GON4L: variants seen among roughly 807,000 people sequenced by gnomAD.
GON4L encodes gon-4 like, also known as GON-4-like protein.
A neutral mutation model predicts 211.8 loss-of-function variants in GON4L; 87 were observed. The ratio of observed to expected loss-of-function variants is 0.41; its 90% CI spans 0.35 to 0.49. The LOEUF (loss-of-function observed/expected upper bound fraction) is 0.49, where lower values mean the gene tolerates loss of function less well. Ranked by LOEUF, GON4L falls within the 20% of genes least tolerant of loss-of-function variation. GON4L has a pLI of 0.15. For missense variants in GON4L, 2,155 were observed against 2,659.5 expected (o/e 0.81, Z 4.17); for synonymous variants, 875 against 962.6 (o/e 0.91, Z 1.68).
chr1:155,755,796 A>G (rs1571619689), intron 27 of GON4L, among the ~76,000 whole-genome samples: 1 of 152,132 alleles, frequency 6.6e-6, no homozygotes, highest in East Asian at 1.9e-4. Flanking sequence ...TACCCATGGA[A>G]AGCCTACTCA....
chr1:155,785,205 G>T (rs745331964), intron 13 of GON4L, 129 bp downstream of exon 13: 1 of 774,418 alleles, frequency 1.3e-6, no homozygotes, highest in South Asian at 1.4e-5. Flanking sequence ...TCTTTCCCAG[G>T]TAGACTAAAA....
downstream of GON4L, chr1:155,748,840 T>C: frequency 6.5e-7 from 1 of 1,527,416 alleles, no homozygotes; most frequent in Non-Finnish European, 9.0e-7. Context: ...TTTCATGTCC[T>C]TTTCCCCCTA....
chr1:155,809,914 C>T (rs1259555484), intron 10 of GON4L, among the ~76,000 whole-genome samples: 4 of 131,650 alleles, frequency 3.0e-5, no homozygotes, highest in African/African-American at 1.2e-4. Flanking sequence ...AAATTATATA[C>T]ATATATAATT....
chr1:155,762,296 C>A lies in GON4L; in HGVS notation c.4805G>T (p.Ser1602Ile). The A allele has an allele frequency of 6.2e-7, 1 of 1,613,642 alleles. No individual in the cohort carries two copies. Among genetic ancestry groups the A allele is most frequent in the Non-Finnish European group, 8.5e-7 (1 of 1,179,740 alleles). Residue 1602 changes from serine (S) to isoleucine (I), a missense_variant, in exon 23 of 32, where the codon AGC (serine) becomes ATC (isoleucine). Physicochemically the swap from Ser to Ile is moderately radical, Grantham distance 142. Coordinates refer to ENST00000368331, the MANE Select transcript of GON4L (RefSeq NM_001282860.2). ...CAACAGCAGCTTGGAGGTGTCCTTG[C>A]TGGCCCGAGCCCGACTTCCCCGCTT... ...RNKRGSRARA[S>I]KDTSKLLLLY...
intron 21 of GON4L, 47 bp from the exon 22 acceptor site, chr1:155,763,611 T>C (rs1469815592): frequency 5.5e-6 from 8 of 1,461,988 alleles, no homozygotes; most frequent in Non-Finnish European, 6.4e-6. Context: ...TAGTGGCTCA[T>C]GAATTGCAAA....
At chr1:155,809,554 A>G (rs1667486511) in intron 10 of GON4L, among the ~76,000 whole-genome samples, 1 of 138,856 alleles carries the variant, frequency 7.2e-6, no homozygotes, top group African/African-American at 2.6e-5. Context: ...ATATACTTAT[A>G]AATTATATAC....
At chr1:155,857,390 T>C (rs763872031), upstream of GON4L, 1 of 152,224 alleles carries the variant, frequency 6.6e-6, no homozygotes, top group Non-Finnish European at 1.5e-5. Flanking sequence ...GCCCATGGAG[T>C]TATCCTACTC....
intron 19 of GON4L, among the ~76,000 whole-genome samples, chr1:155,769,718 T>C (rs1443560732): frequency 6.6e-6 from 1 of 152,094 alleles, no homozygotes; most frequent in African/African-American, 2.4e-5. Context: ...CACAATAACA[T>C]AGCTGTGAAG....
intron 10 of GON4L, among the ~76,000 whole-genome samples, chr1:155,808,718 C>A (rs1010290612): frequency 6.6e-6 from 1 of 152,026 alleles, no homozygotes; most frequent in African/African-American, 2.4e-5. Flanking sequence ...CCTCGATCTC[C>A]TAGGCTCAGC....
At chr1:155,816,114 C>A in intron 7 of GON4L, 98 bp downstream of exon 7, 1 of 726,072 alleles carries the variant, frequency 1.4e-6, no homozygotes, top group Non-Finnish European at 2.5e-6. Context: ...GGAATTAAAA[C>A]AAAGATTGAT....
intron 11 of GON4L, among the ~76,000 whole-genome samples, chr1:155,802,315 G>C (rs868711260): frequency 6.8e-6 from 1 of 146,320 alleles, no homozygotes; most frequent in Admixed American, 6.9e-5. Flanking sequence ...TTTTCCTTGG[G>C]GGGGGGGAAG....
At chr1:155,807,741 T>TGAG (rs1571814952) in intron 10 of GON4L, among the ~76,000 whole-genome samples, 2 of 128,946 alleles carry the variant, frequency 1.6e-5, no homozygotes, top group African/African-American at 5.6e-5. Context: ...TCAGAAAGTG[T>TGAG]GAGACCTCCA....
At chr1:155,787,199 C>T (rs1053496336) in intron 12 of GON4L, among the ~76,000 whole-genome samples, 3 of 152,024 alleles carry the variant, frequency 2.0e-5, no homozygotes, top group Admixed American at 6.6e-5. Flanking sequence ...CGTGAGCTAC[C>T]GCGCCCAGCA....
chr1:155,762,109 C>T (rs1661868574), intron 23 of GON4L, 81 bp downstream of exon 23: 1 of 1,164,742 alleles, frequency 8.6e-7, no homozygotes. Flanking sequence ...GAAAAACAGA[C>T]TTTATGTTGA....
downstream of GON4L, chr1:155,747,811 C>G: frequency 6.2e-7 from 1 of 1,610,026 alleles, no homozygotes; most frequent in South Asian, 1.1e-5. Context: ...GGGGTAGGCG[C>G]GAAGGCGGCA....
downstream of GON4L, among the ~76,000 whole-genome samples, chr1:155,745,390 G>A (rs180721078): frequency 2.7e-4 from 41 of 152,350 alleles, no homozygotes; most frequent in Non-Finnish European, 4.4e-4. Context: ...GAAGAGATGA[G>A]GGGGCATGGG....
At chr1:155,834,501 C>T (rs1025974729) in intron 2 of GON4L, among the ~76,000 whole-genome samples, 10 of 152,086 alleles carry the variant, frequency 6.6e-5, no homozygotes, top group Admixed American at 4.6e-4. Context: ...TGCTTGCTGG[C>T]CCTATTGTCA....
At chr1:155,794,919 A>C in intron 12 of GON4L, 131 bp downstream of exon 12, 1 of 696,552 alleles carries the variant, frequency 1.4e-6, no homozygotes. Context: ...AATCAGATCA[A>C]TAAATGGGTA....
At chr1:155,820,994 C>T (rs1668680229) in intron 5 of GON4L, among the ~76,000 whole-genome samples, 1 of 151,918 alleles carries the variant, frequency 6.6e-6, no homozygotes, top group Non-Finnish European at 1.5e-5. Flanking sequence ...AGGCCGGGCG[C>T]GGTGGCTCAC....
Sources: gnomAD v4.1 joint callset for allele counts (sites outside exome capture counted in the v4.1 genomes callset) on GRCh38, gnomAD v4.1.1 for gene constraint, MANE v1.5 for transcripts, NCBI Gene and HGNC (gene_info 2026-07-23, HGNC 2026-07-21) for gene names.